The following KIAA1217 variants were observed in gnomAD, a reference collection of about 807,000 sequenced individuals.
The protein encoded by KIAA1217 is KIAA1217.
In KIAA1217, 88 loss-of-function variants were observed where a neutral mutation model predicts 163.9. The ratio of observed to expected loss-of-function variants is 0.54; its 90% confidence interval spans 0.45 to 0.64. The LOEUF is 0.64. KIAA1217 is among the 30% of genes least tolerant of loss of function. The probability of loss-of-function intolerance (pLI) is 0.00; values close to 1 mark genes in which losing one functional copy is unlikely to be tolerated. For missense variants in KIAA1217, 2,372 were observed against 2,475.0 expected (o/e 0.96, Z 0.88); for synonymous variants, 903 against 923.1 (o/e 0.98, Z 0.39).
At chr10:24,124,610 T>C (rs2047786029) in intron 2 of KIAA1217, among the ~76,000 whole-genome samples, 1 of 152,156 alleles carries the variant, frequency 6.6e-6, no homozygotes, top group African/African-American at 2.4e-5. Context: ...AGCTTCCCTC[T>C]ATTCCTTGCT....
chr10:23,835,438 C>A (rs112052683), intron 1 of KIAA1217, among the ~76,000 whole-genome samples: 1 of 152,028 alleles, frequency 6.6e-6, no homozygotes, highest in Admixed American at 6.6e-5. Flanking sequence ...AGGAGATAAC[C>A]CCTCCACCCC....
At chr10:24,515,615 C>G (rs921486242) in intron 10 of KIAA1217, among the ~76,000 whole-genome samples, 1 of 152,120 alleles carries the variant, frequency 6.6e-6, no homozygotes, top group South Asian at 2.1e-4. Context: ...CAAAGGCAAC[C>G]TGATAAATAG....
intron 2 of KIAA1217, among the ~76,000 whole-genome samples, chr10:24,185,440 C>G (rs2066380159): frequency 6.6e-6 from 1 of 152,070 alleles, no homozygotes; most frequent in Non-Finnish European, 1.5e-5. Context: ...TAATCCATAC[C>G]CATGATTTTA....
At chr10:24,535,944 A>G (rs562756252) in intron 16 of KIAA1217, among the ~76,000 whole-genome samples, 2 of 151,710 alleles carry the variant, frequency 1.3e-5, no homozygotes, top group East Asian at 3.9e-4. Flanking sequence ...TTTTTTTTTA[A>G]CCTGGGTGGT....
intron 3 of KIAA1217, among the ~76,000 whole-genome samples, chr10:24,418,943 G>T (rs7478585): frequency 0.15 from 22,854 of 151,822 alleles, 1,807 homozygotes; most frequent in Non-Finnish European, 0.18. Flanking sequence ...TTGGGAGGCC[G>T]AGGCAGGCGG....
intron 12 of KIAA1217, among the ~76,000 whole-genome samples, chr10:24,523,323 TAAAAG>T (rs1299773344): frequency 6.6e-6 from 1 of 151,968 alleles, no homozygotes; most frequent in Non-Finnish European, 1.5e-5. Flanking sequence ...CCCTGTTTCT[TAAAAG>T]AAAAGAAAAT....
At chr10:24,023,920 T>C (rs1012010742) in intron 2 of KIAA1217, among the ~76,000 whole-genome samples, 10 of 151,494 alleles carry the variant, frequency 6.6e-5, no homozygotes, top group African/African-American at 2.2e-4. Flanking sequence ...AAAATTAATC[T>C]CTGTTGATGG....
intron 1 of KIAA1217, among the ~76,000 whole-genome samples, chr10:23,791,168 A>G (rs1835931489): frequency 6.6e-6 from 1 of 152,236 alleles, no homozygotes; most frequent in African/African-American, 2.4e-5. Context: ...ATTGCTATAG[A>G]CATTCTTAAT....
At chr10:24,535,549 C>T (rs948489469) in intron 16 of KIAA1217, among the ~76,000 whole-genome samples, 1 of 152,158 alleles carries the variant, frequency 6.6e-6, no homozygotes, top group Non-Finnish European at 1.5e-5. Flanking sequence ...CTGAGGTGGG[C>T]AGATTGCTTG....
At chr10:24,271,663 G>A (rs1339494497) in intron 2 of KIAA1217, among the ~76,000 whole-genome samples, 6 of 151,858 alleles carry the variant, frequency 4.0e-5, no homozygotes, top group South Asian at 2.1e-4. Context: ...GAGGTGGAAG[G>A]ATCACCTGAG....
At chr10:24,158,123 T>G in intron 2 of KIAA1217, 1 of 754,582 alleles carries the variant, frequency 1.3e-6, no homozygotes, top group South Asian at 1.3e-5. Context: ...TGATGACATT[T>G]CTAGCCTGGG....
intron 2 of KIAA1217, among the ~76,000 whole-genome samples, chr10:24,097,638 T>C (rs186792052): frequency 1.6e-4 from 24 of 152,168 alleles, no homozygotes; most frequent in African/African-American, 5.8e-4. Flanking sequence ...AGAAAAGAAC[T>C]GGGTTTCAGA....
chr10:24,118,302 C>T (rs2063142011), intron 2 of KIAA1217, among the ~76,000 whole-genome samples: 1 of 152,096 alleles, frequency 6.6e-6, no homozygotes, highest in Non-Finnish European at 1.5e-5. Context: ...GAGCCGCCTC[C>T]GCCACTTGCT....
At chr10:24,340,130 T>G (rs1269566364) in intron 2 of KIAA1217, among the ~76,000 whole-genome samples, 1 of 152,232 alleles carries the variant, frequency 6.6e-6, no homozygotes, top group Non-Finnish European at 1.5e-5. Context: ...CTGACAGCCC[T>G]GTGATTTGGC....
At position 23,719,000 on chromosome 10, in the gene KIAA1217, A is replaced by C. The variant is rs571680496; in HGVS notation, c.-321+23766A>C. The stretch of plus-strand genomic sequence containing the variant: ...GTTTGTGTTTGACAATTCCTCAGAA[A>C]GCATCCTTAAACATGGTATTACCAT... On this transcript the variant is annotated intron_variant, in intron 1 of 18. Transcript: ENST00000376462. 2.0e-5 allele frequency among the ~76,000 whole-genome samples: 3 copies of C among 152,332 alleles called. No individual in the cohort carries two copies. In the East Asian group the frequency reaches 5.8e-4, roughly 29 times the overall value.
intron 1 of KIAA1217, among the ~76,000 whole-genome samples, chr10:23,709,435 G>A (rs1248741365): frequency 1.3e-5 from 2 of 151,944 alleles, no homozygotes; most frequent in East Asian, 1.9e-4. Flanking sequence ...AGGCTAAGGT[G>A]GGAGGATTCC....
chr10:24,207,535 G>T (rs543371448), upstream of KIAA1217, among the ~76,000 whole-genome samples: 1 of 152,334 alleles, frequency 6.6e-6, no homozygotes, highest in South Asian at 2.1e-4. Context: ...TGTAAGATTA[G>T]TTCCTCCTTA....
chr10:24,342,676 T>TTTTTA (rs2047243974), intron 2 of KIAA1217, among the ~76,000 whole-genome samples: 1 of 80,190 alleles, frequency 1.2e-5, no homozygotes, highest in Non-Finnish European at 2.5e-5. Flanking sequence ...TTTTTTTTTT[T>TTTTTA]GAAACAGAGT....
intron 9 of KIAA1217, 43 bp downstream of exon 9, chr10:24,501,588 C>A: frequency 2.9e-5 from 46 of 1,570,422 alleles, no homozygotes; most frequent in Non-Finnish European, 4.0e-5. Flanking sequence ...TTGCCCTGAG[C>A]TCTTCCTACC....
Sources: allele counts gnomAD v4.1 joint callset (sites outside exome capture counted in the v4.1 genomes callset), GRCh38; gene constraint gnomAD v4.1.1; transcripts MANE v1.5; gene names NCBI Gene and HGNC (gene_info 2026-07-23, HGNC 2026-07-21).